The following RSF1 variants were observed in gnomAD, a reference collection of about 807,000 sequenced individuals.
RSF1 encodes remodeling and spacing factor 1, also known as HBV pX-associated protein 8.
Under a neutral mutation model 145.2 loss-of-function variants are expected in RSF1, and 13 were observed. The ratio of observed to expected loss-of-function variants is 0.09; its 90% CI spans 0.06 to 0.14. The LOEUF (loss-of-function observed/expected upper bound fraction) is 0.14. Ranked by LOEUF, RSF1 falls within the 10% of genes least tolerant of loss-of-function variation. The pLI is 1.00. For synonymous variants in RSF1, 577 were observed against 592.6 expected, an observed-to-expected ratio of 0.97 and a Z score of 0.38; for missense variants, 1,517 against 1,718.2, an observed-to-expected ratio of 0.88 and a Z score of 2.07.
chr11:77,802,412 T>C (rs968404908), intron 1 of RSF1, among the ~76,000 whole-genome samples: 1 of 152,182 alleles, frequency 6.6e-6, no homozygotes, highest in Non-Finnish European at 1.5e-5. Context: ...AATTAAATTT[T>C]AATACACCCA....
chr11:77,733,974 T>A (rs989196100), intron 4 of RSF1, among the ~76,000 whole-genome samples: 1 of 152,344 alleles, frequency 6.6e-6, no homozygotes, highest in South Asian at 2.1e-4. Flanking sequence ...ACTTTTATCT[T>A]CTTTCATTGA....
chr11:77,838,091 T>A, the RSF1 span, among the ~76,000 whole-genome samples: 1 of 152,074 alleles, frequency 6.6e-6, no homozygotes, highest in African/African-American at 2.4e-5. Flanking sequence ...TAATAATAAG[T>A]TGAACTTGCA....
chr11:77,744,450 C>T (rs1298089740), intron 3 of RSF1, among the ~76,000 whole-genome samples: 1 of 152,156 alleles, frequency 6.6e-6, no homozygotes, highest in African/African-American at 2.4e-5. Flanking sequence ...AGGTACACGC[C>T]ACAACACCCA....
intron 11 of RSF1, among the ~76,000 whole-genome samples, 192 bp downstream of exon 11, chr11:77,683,515 CCAA>C (rs1959921276): frequency 6.6e-6 from 1 of 150,714 alleles, no homozygotes; most frequent in South Asian, 2.1e-4. Context: ...ACCAGCCTGG[CCAA>C]CAAGAGCGAG....
chr11:77,869,613 C>A, the RSF1 span: 1 of 1,088,248 alleles, frequency 9.2e-7, no homozygotes, highest in Non-Finnish European at 1.4e-6. Context: ...ATGCTTGGCA[C>A]AAAGTGAACC....
intron 1 of RSF1, among the ~76,000 whole-genome samples, chr11:77,801,433 A>G (rs79592834): frequency 0.013 from 1,929 of 152,338 alleles, 41 homozygotes; most frequent in African/African-American, 0.043. Flanking sequence ...CCGTCTCAAA[A>G]AAAGAAGAAA....
intron 14 of RSF1, 48 bp downstream of exon 14, chr11:77,674,988 A>T (rs1335569634): frequency 4.1e-6 from 6 of 1,474,794 alleles, no homozygotes; most frequent in Non-Finnish European, 3.7e-6. Flanking sequence ...AACAAGAAAA[A>T]CAAAAAATAA....
rs1007738049 is a variant in RSF1 at position 77,760,981 on chromosome 11, G to A, written c.279+3617C>T. Among the ~76,000 whole-genome samples the A allele has an allele frequency of 4.4e-4, 66 of 151,590 alleles. 1 individual carries two copies. The highest frequency in any genetic ancestry group is 2.9e-3 in the Admixed American group (44 of 15,208). On this transcript the variant is annotated intron_variant, in intron 2 of 15. Transcript: ENST00000308488. ...GGGTGGAGTGCAGTGGTGCAATCTC[G>A]GCTCACCGCGATCTCGGCTCACTGC...
chr11:77,827,157 C>G, the RSF1 span, among the ~76,000 whole-genome samples: 5 of 151,958 alleles, frequency 3.3e-5, no homozygotes, highest in Admixed American at 6.6e-5. Context: ...GCCCCGCCCC[C>G]CTCAGAAAAG....
intron 1 of RSF1, among the ~76,000 whole-genome samples, chr11:77,789,438 G>A (rs1228224944): frequency 6.6e-6 from 1 of 152,230 alleles, no homozygotes. Flanking sequence ...CTCAAGTGAT[G>A]CATGGACTAC....
At chr11:77,830,548 G>T in the RSF1 span, among the ~76,000 whole-genome samples, 17 of 139,802 alleles carry the variant, frequency 1.2e-4, no homozygotes, top group African/African-American at 4.6e-4. Flanking sequence ...TAAAGCTCAG[G>T]GCCCTTGTCC....
chr11:77,739,385 T>G (rs1304678511), intron 4 of RSF1: 1 of 150,460 alleles, frequency 6.6e-6, no homozygotes, highest in Non-Finnish European at 1.5e-5. Context: ...TGGTATAATG[T>G]CATGAATAGA....
chr11:77,805,266 C>T (rs549219849), intron 1 of RSF1, among the ~76,000 whole-genome samples: 26 of 152,032 alleles, frequency 1.7e-4, no homozygotes, highest in Admixed American at 3.3e-4. Flanking sequence ...GTCAGGAGTT[C>T]GAGACCAGCC....
At chr11:77,680,176 T>C (rs1959819473) in intron 11 of RSF1, among the ~76,000 whole-genome samples, 1 of 152,110 alleles carries the variant, frequency 6.6e-6, no homozygotes, top group Non-Finnish European at 1.5e-5. Context: ...CTGGGTGCAG[T>C]GGCTCAGCAC....
intron 11 of RSF1, among the ~76,000 whole-genome samples, chr11:77,680,819 A>G (rs1959839578): frequency 6.6e-6 from 1 of 152,226 alleles, no homozygotes; most frequent in African/African-American, 2.4e-5. Context: ...TGAGAAAGTA[A>G]AACTCAGCAC....
intron 5 of RSF1, among the ~76,000 whole-genome samples, chr11:77,721,304 C>A (rs1960935205): frequency 6.6e-6 from 1 of 152,104 alleles, no homozygotes; most frequent in Admixed American, 6.5e-5. Context: ...CAACACAGCC[C>A]AAGGGTAATG....
At chr11:77,855,686 G>A in the RSF1 span, among the ~76,000 whole-genome samples, 1 of 145,528 alleles carries the variant, frequency 6.9e-6, no homozygotes, top group Non-Finnish European at 1.5e-5. Context: ...TTTATAATCT[G>A]CTTCCCTTTT....
chr11:77,841,142 T>G, the RSF1 span: 75 of 698,042 alleles, frequency 1.1e-4, no homozygotes, highest in Middle Eastern at 6.6e-4. Flanking sequence ...ACTTGTCCTT[T>G]TATAATGAAC....
At chr11:77,723,869 T>G (rs1960992243) in intron 5 of RSF1, among the ~76,000 whole-genome samples, 1 of 152,192 alleles carries the variant, frequency 6.6e-6, no homozygotes, top group African/African-American at 2.4e-5. Context: ...CAATAACAAA[T>G]ATTAACTAAA....
Sources: allele counts gnomAD v4.1 joint callset (sites outside exome capture counted in the v4.1 genomes callset), GRCh38; gene constraint gnomAD v4.1.1; transcripts MANE v1.5; gene names NCBI Gene and HGNC (gene_info 2026-07-23, HGNC 2026-07-21).